Variants in HECW2 observed in about 807,000 individuals in gnomAD.
HECW2 encodes HECT, C2 and WW domain containing E3 ubiquitin protein ligase 2.
In HECW2, 61 loss-of-function variants were observed where a neutral mutation model predicts 175.2. The ratio of observed to expected loss-of-function variants is 0.35; its 90% CI spans 0.28 to 0.43. The LOEUF (loss-of-function observed/expected upper bound fraction) is 0.43. HECW2 is among the 20% of genes least tolerant of loss of function. HECW2 has a pLI of 1.00. For synonymous variants in HECW2, 671 were observed against 731.0 expected (o/e 0.92, Z 1.32); for missense variants, 1,524 against 2,000.5 (o/e 0.76, Z 4.54).
At chr2:196,581,925 G>T (rs1690799628) in intron 1 of HECW2, among the ~76,000 whole-genome samples, 1 of 152,008 alleles carries the variant, frequency 6.6e-6, no homozygotes, top group African/African-American at 2.4e-5. Flanking sequence ...AATTAGCCGG[G>T]AGTGGTGGTG....
chr2:196,212,277 T>C (rs1687317941), intron 28 of HECW2, among the ~76,000 whole-genome samples: 1 of 152,184 alleles, frequency 6.6e-6, no homozygotes, highest in South Asian at 2.1e-4. Context: ...GGGTTTGTTT[T>C]ACAGATTATT....
At chr2:196,568,897 A>G (rs1388256855) in intron 1 of HECW2, among the ~76,000 whole-genome samples, 5 of 152,170 alleles carry the variant, frequency 3.3e-5, no homozygotes, top group African/African-American at 9.6e-5. Flanking sequence ...AGCATCCACA[A>G]TTAATTTTAG....
chr2:196,476,701 G>C (rs1324252089), intron 1 of HECW2, among the ~76,000 whole-genome samples: 1 of 151,936 alleles, frequency 6.6e-6, no homozygotes, highest in Admixed American at 6.6e-5. Flanking sequence ...TTTGTCCAAA[G>C]CTCTCACTGG....
chr2:196,463,283 C>A (rs1351765943), intron 1 of HECW2, among the ~76,000 whole-genome samples: 2 of 151,780 alleles, frequency 1.3e-5, no homozygotes, highest in African/African-American at 4.8e-5. Context: ...GAGATGAGTT[C>A]TCTAAAAATA....
intron 28 of HECW2, among the ~76,000 whole-genome samples, chr2:196,215,094 G>C (rs1050161846): frequency 6.6e-6 from 1 of 152,086 alleles, no homozygotes; most frequent in Non-Finnish European, 1.5e-5. Context: ...TTGGATAAAG[G>C]AATTCTAAAA....
At chr2:196,295,130 AGAG>A (rs1390136974) in intron 13 of HECW2, among the ~76,000 whole-genome samples, 2 of 152,188 alleles carry the variant, frequency 1.3e-5, no homozygotes, top group African/African-American at 4.8e-5. Context: ...AGGCTAAATA[AGAG>A]GAGGTTTTGA....
intron 13 of HECW2, among the ~76,000 whole-genome samples, chr2:196,298,676 T>C (rs1006674541): frequency 1.3e-5 from 2 of 152,176 alleles, no homozygotes; most frequent in African/African-American, 2.4e-5. Flanking sequence ...GGCCCCGGTG[T>C]GTGATGTTCC....
intron 1 of HECW2, among the ~76,000 whole-genome samples, chr2:196,545,677 C>T (rs978087683): frequency 6.6e-6 from 1 of 152,176 alleles, no homozygotes; most frequent in African/African-American, 2.4e-5. Flanking sequence ...ACATTCAATC[C>T]GTTCTGGCAG....
At chr2:196,326,865 C>T (rs1692173625) in intron 5 of HECW2, among the ~76,000 whole-genome samples, 1 of 152,130 alleles carries the variant, frequency 6.6e-6, no homozygotes, top group Admixed American at 6.5e-5. Flanking sequence ...CGTGCAGTCC[C>T]CATTCCTGAC....
chr2:196,305,714 C>A (rs1255026258), intron 13 of HECW2, among the ~76,000 whole-genome samples: 2 of 152,158 alleles, frequency 1.3e-5, no homozygotes, highest in Non-Finnish European at 2.9e-5. Flanking sequence ...TACTTACCCA[C>A]CAAATCTTGT....
intron 2 of HECW2, among the ~76,000 whole-genome samples, chr2:196,410,811 T>A (rs999822669): frequency 2.0e-5 from 3 of 152,114 alleles, no homozygotes; most frequent in Non-Finnish European, 4.4e-5. Context: ...CAAATATGAT[T>A]CAGACATGGT....
At chr2:196,469,116 T>TGC (rs1487225952) in intron 1 of HECW2, among the ~76,000 whole-genome samples, 29 of 94,204 alleles carry the variant, frequency 3.1e-4, no homozygotes, top group Admixed American at 1.9e-3. Flanking sequence ...TGTGTGTGTG[T>TGC]GTGCGTGTGT....
At chr2:196,473,649 T>C (rs933860176) in intron 1 of HECW2, among the ~76,000 whole-genome samples, 2 of 152,236 alleles carry the variant, frequency 1.3e-5, no homozygotes, top group African/African-American at 4.8e-5. Context: ...GTCTGCCAAC[T>C]TTCTACAGAC....
chr2:196,333,567 A>AT (rs148665910), intron 4 of HECW2, among the ~76,000 whole-genome samples: 3,391 of 152,248 alleles, frequency 0.022, 126 homozygotes, highest in African/African-American at 0.077. Flanking sequence ...AGGAGTCAGT[A>AT]TTTTTTCTAT....
chr2:196,401,553 C>T lies in HECW2; in HGVS notation c.292+31579G>A, dbSNP rs137962766. Among the ~76,000 whole-genome samples the T allele has an allele frequency of 3.1e-3, 473 of 152,104 alleles. 3 individuals carry two copies. The highest frequency in any genetic ancestry group is 0.01 in the African/African-American group (423 of 41,508). ...TTTAAATAGAATTTTTCTTTAAAAA[C>T]GCTACCTCAAAAAATATGGATCAGT... On this transcript the variant is annotated intron_variant, in intron 2 of 28. Transcript: ENST00000644978.
intron 2 of HECW2, among the ~76,000 whole-genome samples, chr2:196,359,396 C>G (rs963017346): frequency 1.3e-5 from 2 of 152,096 alleles, no homozygotes; most frequent in African/African-American, 4.8e-5. Context: ...TGCAGTGAGC[C>G]GAGGTGGTGC....
chr2:196,293,890 G>A (rs1575371619), intron 13 of HECW2, among the ~76,000 whole-genome samples: 1 of 152,300 alleles, frequency 6.6e-6, no homozygotes, highest in South Asian at 2.1e-4. Flanking sequence ...AATGGAATGA[G>A]TTGCTCTCAC....
chr2:196,568,590 G>C (rs1342223336), intron 1 of HECW2, among the ~76,000 whole-genome samples: 1 of 152,098 alleles, frequency 6.6e-6, no homozygotes. Context: ...GCTTTACAAT[G>C]GTGTGAAAGC....
At chr2:196,411,706 C>G (rs778607405) in intron 2 of HECW2, among the ~76,000 whole-genome samples, 1 of 152,190 alleles carries the variant, frequency 6.6e-6, no homozygotes, top group African/African-American at 2.4e-5. Flanking sequence ...CTTGGAGTGA[C>G]TTGGATCAAA....
Sources: allele counts gnomAD v4.1 joint callset (sites outside exome capture counted in the v4.1 genomes callset), GRCh38; gene constraint gnomAD v4.1.1; transcripts MANE v1.5; gene names NCBI Gene and HGNC (gene_info 2026-07-23, HGNC 2026-07-21).